The following TFEC variants were observed in gnomAD, a reference collection of about 807,000 sequenced individuals.
The protein encoded by TFEC is transcription factor EC, also known as class E basic helix-loop-helix protein 34.
TFEC carries 31 observed loss-of-function variants against 41.6 expected under a neutral mutation model. The observed-to-expected ratio is 0.74, with a 90% CI of 0.56 to 1.01. The LOEUF (loss-of-function observed/expected upper bound fraction) is 1.01. Among genes scored for constraint, TFEC ranks in the 50% least tolerant of loss-of-function variants. The pLI, the probability that TFEC is intolerant of heterozygous loss-of-function variation, is 0.00. For missense variants in TFEC, 402 were observed against 404.1 expected, an observed-to-expected ratio of 0.99 and a Z score of 0.04; for synonymous variants, 143 against 140.6, an observed-to-expected ratio of 1.02 and a Z score of -0.12.
At chr7:116,067,785 C>G (rs1796729550) in intron 3 of TFEC, among the ~76,000 whole-genome samples, 1 of 151,960 alleles carries the variant, frequency 6.6e-6, no homozygotes, top group African/African-American at 2.4e-5. Flanking sequence ...CACACTTACT[C>G]CACATTCCTC....
chr7:115,959,527 AAT>A (rs1792418896), intron 3 of TFEC, among the ~76,000 whole-genome samples: 1 of 151,762 alleles, frequency 6.6e-6, no homozygotes, highest in African/African-American at 2.4e-5. Context: ...AGCAGGTCAA[AAT>A]ATCAAAATAT....
At chr7:115,988,090 T>C (rs1793938611) in intron 1 of TFEC, among the ~76,000 whole-genome samples, 1 of 152,146 alleles carries the variant, frequency 6.6e-6, no homozygotes, top group South Asian at 2.1e-4. Flanking sequence ...AATATTTTCC[T>C]TTACCCAAAA....
At chr7:116,106,078 G>C (rs1457683786) in intron 3 of TFEC, among the ~76,000 whole-genome samples, 1 of 152,090 alleles carries the variant, frequency 6.6e-6, no homozygotes, top group Non-Finnish European at 1.5e-5. Context: ...TTCCCACATA[G>C]AGTATCTCTA....
In TFEC at chr7:116,138,022, G is replaced by A. The variant is rs115304774; in HGVS notation, c.-69+21768C>T. Among the ~76,000 whole-genome samples the A allele has an allele frequency of 4.5e-3, 683 of 152,200 alleles. 5 individuals are homozygous for A. The highest frequency in any genetic ancestry group is 0.016 in the African/African-American group (659 of 41,538). Reference sequence around the variant, plus strand: ...TTAACCATGCACTTTATATGTGAAAGTAAAGAGATTCACAATCTTTCCTCA... The same window carrying A: ...TTAACCATGCACTTTATATGTGAAAATAAAGAGATTCACAATCTTTCCTCA... On this transcript the variant is annotated intron_variant, in intron 1 of 8. Transcript: ENST00000484212.
At chr7:116,068,601 G>A (rs1200383166) in intron 3 of TFEC, among the ~76,000 whole-genome samples, 2 of 151,252 alleles carry the variant, frequency 1.3e-5, no homozygotes, top group Non-Finnish European at 1.5e-5. Flanking sequence ...CAAAATAATA[G>A]AAAAGCTTAC....
At chr7:115,943,504 G>A (rs1023253389) in intron 6 of TFEC, among the ~76,000 whole-genome samples, 12 of 151,786 alleles carry the variant, frequency 7.9e-5, no homozygotes, top group Non-Finnish European at 1.3e-4. Flanking sequence ...AATGGTAGTA[G>A]AGAACACACA....
chr7:116,011,289 A>G (rs1323659100), intron 1 of TFEC, among the ~76,000 whole-genome samples: 1 of 152,158 alleles, frequency 6.6e-6, no homozygotes. Context: ...TTGCTTATTG[A>G]GTAAATAGCA....
At chr7:116,120,211 GGAA>G (rs1798081579) in intron 1 of TFEC, 1 of 151,874 alleles carries the variant, frequency 6.6e-6, no homozygotes, top group Admixed American at 6.6e-5. Flanking sequence ...TGTGTTTCAG[GGAA>G]GAAGATGGGC....
chr7:115,958,561 A>G (rs1792358827), intron 3 of TFEC, among the ~76,000 whole-genome samples: 1 of 151,892 alleles, frequency 6.6e-6, no homozygotes. Context: ...GTTAAGGAAG[A>G]AAAGGAGCCA....
At position 116,010,119 on chromosome 7, in the gene TFEC, G is replaced by A. The variant is rs186403230; in HGVS notation, c.-73+20514C>T. On this transcript the variant is annotated intron_variant, in intron 1 of 7. Coordinates refer to ENST00000265440, the MANE Select transcript of TFEC (RefSeq NM_012252.4). ...GCAAGGGGAGAAAAACACACTGAAA[G>A]GATAATGGAGCTAGAGCAGAAAAAT... Among the ~76,000 whole-genome samples the A allele has an allele frequency of 4.4e-3, 666 of 152,240 alleles. 6 individuals carry two copies. Among genetic ancestry groups the A allele is most frequent in the Admixed American group, 7.3e-3 (111 of 15,280 alleles).
intron 2 of TFEC, among the ~76,000 whole-genome samples, chr7:116,111,566 AT>A (rs1199413462): frequency 2.6e-5 from 4 of 151,998 alleles, no homozygotes; most frequent in Non-Finnish European, 5.9e-5. Flanking sequence ...CCCACACTCA[AT>A]TTCTGGCTTG....
Position 116,013,440 on chromosome 7 carries a change from A to T in TFEC, c.-73+17193T>A, listed in dbSNP as rs565591106. ...AAAAAGAACATTAAAATGGAGGAGC[A>T]ATTCATTGAGAAGACTGATCACAGG... On this transcript the variant is annotated intron_variant, in intron 1 of 7. Coordinates refer to ENST00000265440, the MANE Select transcript of TFEC (RefSeq NM_012252.4). 7.5e-4 allele frequency among the ~76,000 whole-genome samples: 114 copies of T among 152,238 alleles called. 1 individual carries two copies. The highest frequency in any genetic ancestry group is 1.4e-3 in the Non-Finnish European group (97 of 67,964).
intron 3 of TFEC, among the ~76,000 whole-genome samples, chr7:116,051,262 G>C (rs567125508): frequency 6.6e-6 from 1 of 152,150 alleles, no homozygotes; most frequent in Non-Finnish European, 1.5e-5. Flanking sequence ...AAACCTGCAC[G>C]TTGTGCACAT....
intron 1 of TFEC, among the ~76,000 whole-genome samples, chr7:116,134,116 G>T (rs142924237): frequency 6.6e-6 from 1 of 152,138 alleles, no homozygotes; most frequent in Non-Finnish European, 1.5e-5. Flanking sequence ...ACTTAAATGT[G>T]TCTGGTTTAT....
At chr7:116,054,908 A>G (rs1027326420) in intron 3 of TFEC, among the ~76,000 whole-genome samples, 1 of 152,190 alleles carries the variant, frequency 6.6e-6, no homozygotes, top group Admixed American at 6.5e-5. Flanking sequence ...TTACCAAGTC[A>G]GAATTTTATT....
intron 1 of TFEC, among the ~76,000 whole-genome samples, chr7:116,010,509 TG>T (rs968306573): frequency 5.3e-5 from 8 of 152,278 alleles, no homozygotes; most frequent in African/African-American, 1.9e-4. Flanking sequence ...TTAAACATAT[TG>T]AATTTTTGAA....
chr7:116,054,469 T>C (rs145627289), intron 3 of TFEC, among the ~76,000 whole-genome samples: 41 of 152,262 alleles, frequency 2.7e-4, no homozygotes, highest in African/African-American at 7.9e-4. Flanking sequence ...AAATATTATA[T>C]AGCAGTACTG....
At chr7:115,955,637 A>C (rs995331356) in intron 4 of TFEC, among the ~76,000 whole-genome samples, 25 of 152,070 alleles carry the variant, frequency 1.6e-4, no homozygotes, top group African/African-American at 4.6e-4. Flanking sequence ...CTTGATGCTC[A>C]AAGACTGAAT....
At chr7:115,962,952 T>A (rs1792639607) in intron 3 of TFEC, among the ~76,000 whole-genome samples, 1 of 151,872 alleles carries the variant, frequency 6.6e-6, no homozygotes, top group South Asian at 2.1e-4. Context: ...GCTGCACCCA[T>A]AAACTTGTCA....
Sources: allele counts gnomAD v4.1 joint callset (sites outside exome capture counted in the v4.1 genomes callset), GRCh38; gene constraint gnomAD v4.1.1; transcripts MANE v1.5; gene names NCBI Gene and HGNC (gene_info 2026-07-23, HGNC 2026-07-21).